DPYD: variants seen among roughly 807,000 people sequenced by gnomAD.
DPYD encodes dihydropyrimidine dehydrogenase [NADP(+)].
DPYD carries 109 observed loss-of-function variants against 116.2 expected under a neutral mutation model. The observed-to-expected ratio is 0.94, with a 90% CI of 0.80 to 1.10. The LOEUF is 1.10. DPYD is among the 50% of genes least tolerant of loss of function. The probability of loss-of-function intolerance (pLI) is 0.00; values close to 1 mark genes in which losing one functional copy is unlikely to be tolerated. For synonymous variants in DPYD, 440 were observed against 432.0 expected, an observed-to-expected ratio of 1.02 and a Z score of -0.23; for missense variants, 1,302 against 1,254.5, an observed-to-expected ratio of 1.04 and a Z score of -0.57.
intron 3 of DPYD, among the ~76,000 whole-genome samples, chr1:97,765,784 A>G (rs1464996784): frequency 6.6e-6 from 1 of 152,246 alleles, no homozygotes; most frequent in African/African-American, 2.4e-5. Context: ...AATATGTAAC[A>G]CAAACCTAAA....
chr1:97,439,225 C>G, intron 14 of DPYD, among the ~76,000 whole-genome samples: 1 of 152,002 alleles, frequency 6.6e-6, no homozygotes, highest in Middle Eastern at 3.2e-3. Context: ...GAGTTCCTAT[C>G]TGGAGTTCCT....
chr1:97,587,773 G>A lies in DPYD; in HGVS notation c.1128+5445C>T, dbSNP rs944246892. Among the ~76,000 whole-genome samples, 11 of 146,866 alleles carry A rather than the reference G, an allele frequency of 7.5e-5. No individual in the cohort carries two copies. In the East Asian group the frequency reaches 8.1e-4, roughly 11 times the overall value. On this transcript the variant is annotated intron_variant, in intron 10 of 22. Coordinates refer to ENST00000370192, the MANE Select transcript of DPYD (RefSeq NM_000110.4). ...CGGGAGGCAGAGCCTGCAGTGAGTC[G>A]AGATCGCGCCACTGCACTCCAGCCT...
chr1:97,323,611 CACGTATATATACATATCATATATACATAT>C (rs1668527363), intron 16 of DPYD, among the ~76,000 whole-genome samples: 1 of 72,920 alleles, frequency 1.4e-5, no homozygotes, highest in Admixed American at 1.4e-4. Flanking sequence ...TGTATATATA[CACGTATATATACATATCATATATACATAT>C]ATGTGTATAT....
At chr1:97,633,867 T>C (rs1283423036) in intron 8 of DPYD, among the ~76,000 whole-genome samples, 1 of 152,092 alleles carries the variant, frequency 6.6e-6, no homozygotes, top group Non-Finnish European at 1.5e-5. Context: ...GTAAGGTTTA[T>C]TCGTGCAAAC....
intron 18 of DPYD, among the ~76,000 whole-genome samples, chr1:97,288,027 G>T (rs941203590): frequency 8.7e-5 from 13 of 150,174 alleles, no homozygotes; most frequent in African/African-American, 3.2e-4. Context: ...AAAGGCAAGG[G>T]TTGCAATCCT....
At chr1:97,446,599 T>A (rs1286322886) in intron 14 of DPYD, among the ~76,000 whole-genome samples, 1 of 152,228 alleles carries the variant, frequency 6.6e-6, no homozygotes, top group African/African-American at 2.4e-5. Flanking sequence ...AGCCATCATT[T>A]CCTTTTCTAT....
intron 14 of DPYD, among the ~76,000 whole-genome samples, chr1:97,429,311 T>C (rs1268066762): frequency 6.6e-6 from 1 of 152,046 alleles, no homozygotes; most frequent in East Asian, 1.9e-4. Flanking sequence ...AAAATTTGAT[T>C]TTCTATTTTA....
At chr1:97,346,632 G>T (rs1669859736) in intron 16 of DPYD, among the ~76,000 whole-genome samples, 2 of 151,698 alleles carry the variant, frequency 1.3e-5, no homozygotes, top group African/African-American at 4.8e-5. Flanking sequence ...TCACATAAAG[G>T]TCTATCTACT....
intron 13 of DPYD, among the ~76,000 whole-genome samples, chr1:97,465,457 C>T (rs1677263544): frequency 6.6e-6 from 1 of 152,146 alleles, no homozygotes; most frequent in East Asian, 1.9e-4. Flanking sequence ...CAAATCTCAT[C>T]TTGAATTCCC....
At chr1:97,082,962 T>G (rs1649264734) in intron 21 of DPYD, among the ~76,000 whole-genome samples, 1 of 152,190 alleles carries the variant, frequency 6.6e-6, no homozygotes. Context: ...TAAAAAGTGC[T>G]GTGATAGAAT....
intron 18 of DPYD, among the ~76,000 whole-genome samples, chr1:97,249,075 T>C (rs536291457): frequency 6.6e-6 from 1 of 151,674 alleles, no homozygotes; most frequent in South Asian, 2.1e-4. Flanking sequence ...CAAAAAGGTT[T>C]CTTTGAAGAA....
chr1:97,185,219 T>A (rs1657913188), intron 20 of DPYD, among the ~76,000 whole-genome samples: 1 of 152,044 alleles, frequency 6.6e-6, no homozygotes, highest in African/African-American at 2.4e-5. Flanking sequence ...GGAAGGCCAA[T>A]AAGAACATAA....
At chr1:97,441,243 G>A (rs944234440) in intron 14 of DPYD, among the ~76,000 whole-genome samples, 3 of 151,898 alleles carry the variant, frequency 2.0e-5, no homozygotes, top group African/African-American at 7.3e-5. Context: ...TGGGAGGTTT[G>A]TAGTTTTAGG....
rs375320953 is a variant in DPYD, at chr1:97,893,135, T to C, written c.40-9761A>G. ...TTAACCCAATGTATACTCATATTCCTATATTGTCAATTCTGAATGTATACA... is the reference window on the plus strand; with the variant it reads ...TTAACCCAATGTATACTCATATTCCCATATTGTCAATTCTGAATGTATACA... On this transcript the variant is annotated intron_variant, in intron 1 of 22. Coordinates refer to ENST00000370192, the MANE Select transcript of DPYD (RefSeq NM_000110.4). 7.9e-5 allele frequency among the ~76,000 whole-genome samples: 12 copies of C among 151,850 alleles called. No homozygotes were observed. In the East Asian group the frequency reaches 2.1e-3, roughly 27 times the overall value.
chr1:97,625,561 G>T (rs2811190), intron 8 of DPYD, among the ~76,000 whole-genome samples: 143,089 of 152,018 alleles, frequency 0.94, 67,664 homozygotes, highest in Non-Finnish European at 0.99. Context: ...TTCAAAGAAA[G>T]AATTAAAATT....
chr1:97,528,989 C>A (rs1649356882), intron 12 of DPYD, among the ~76,000 whole-genome samples: 1 of 152,114 alleles, frequency 6.6e-6, no homozygotes, highest in African/African-American at 2.4e-5. Flanking sequence ...GTCCTGTCTG[C>A]CTATCCAAAC....
At chr1:97,389,946 C>T (rs1672601516) in intron 14 of DPYD, among the ~76,000 whole-genome samples, 6 of 150,772 alleles carry the variant, frequency 4.0e-5, no homozygotes. Context: ...TAATGGTCAA[C>T]TTTTTTTGTT....
At chr1:97,583,249 G>A (rs758322090) in intron 10 of DPYD, among the ~76,000 whole-genome samples, 5 of 152,132 alleles carry the variant, frequency 3.3e-5, no homozygotes, top group Non-Finnish European at 5.9e-5. Flanking sequence ...GATTACAGGC[G>A]TGAACCACTG....
intron 11 of DPYD, among the ~76,000 whole-genome samples, chr1:97,550,104 A>G (rs1651210496): frequency 6.6e-6 from 1 of 152,172 alleles, no homozygotes; most frequent in East Asian, 1.9e-4. Flanking sequence ...ATTTTTACAA[A>G]TCTGTTACTA....
Sources: allele counts gnomAD v4.1 joint callset (sites outside exome capture counted in the v4.1 genomes callset), GRCh38; gene constraint gnomAD v4.1.1; transcripts MANE v1.5; gene names NCBI Gene and HGNC (gene_info 2026-07-23, HGNC 2026-07-21).